Variants in BTD observed in about 807,000 individuals in gnomAD.
BTD encodes the protein biotinidase.
In BTD, 13 loss-of-function variants were observed where a neutral mutation model predicts 17.7. The ratio of observed to expected loss-of-function variants is 0.74; its 90% CI spans 0.48 to 1.17. BTD has a LOEUF of 1.17. Among genes scored for constraint, BTD ranks in the 50% most tolerant of loss-of-function variants. The pLI, the probability that BTD is intolerant of heterozygous loss-of-function variation, is 0.00. For missense variants in BTD, 674 were observed against 650.4 expected, an observed-to-expected ratio of 1.04 and a Z score of -0.39; for synonymous variants, 240 against 245.2, an observed-to-expected ratio of 0.98 and a Z score of 0.20.
chr3:15,604,910 A>G (rs769495576), intron 1 of BTD, among the ~76,000 whole-genome samples: 15 of 152,204 alleles, frequency 9.9e-5, no homozygotes, highest in Non-Finnish European at 4.4e-5. Context: ...GCCATTCAAT[A>G]AGTCTCTAGG....
Position 15,696,096 on chromosome 3 carries a change from C to A in BTD, c.400-13964C>A, listed in dbSNP as rs746123779. On this transcript the variant is annotated intron_variant, in intron 3 of 3. Coordinates refer to the BTD transcript ENST00000672141. The stretch of plus-strand genomic sequence containing the variant: ...TTTTGTTACATTATTAGACTATAAA[C>A]TCCCATTAGGTCTTTCACAAGAATT... The A allele has an allele frequency of 3.0e-6, 4 of 1,321,660 alleles. No individual in the cohort carries two copies. In the South Asian group the frequency reaches 5.1e-5, roughly 17 times the overall value. 81.9% of individuals were successfully genotyped at this position (1,321,660 alleles called of 1,614,324 possible). A position where few individuals can be genotyped will look rare whatever the true frequency, so the allele number is the denominator to read the frequency against.
At chr3:15,696,332 ATT>A (rs2069548275) in intron 3 of BTD, 1 of 805,812 alleles carries the variant, frequency 1.2e-6, no homozygotes, top group Non-Finnish European at 1.9e-6. Context: ...AAAACTGACA[ATT>A]TTTCTTATAC....
chr3:15,626,638 A>G (rs1026700987), intron 1 of BTD, among the ~76,000 whole-genome samples: 10 of 152,056 alleles, frequency 6.6e-5, no homozygotes, highest in African/African-American at 2.2e-4. Flanking sequence ...TTAGTCACAC[A>G]TGGTAGCATG....
chr3:15,643,677 T>A (rs978414451), intron 3 of BTD, among the ~76,000 whole-genome samples: 7 of 152,072 alleles, frequency 4.6e-5, no homozygotes, highest in Admixed American at 3.9e-4. Flanking sequence ...GTTTATATCC[T>A]TTGCACATTT....
intron 1 of BTD, among the ~76,000 whole-genome samples, chr3:15,626,111 A>G (rs1235410925): frequency 1.3e-5 from 2 of 152,034 alleles, no homozygotes; most frequent in African/African-American, 4.8e-5. Flanking sequence ...TTGATATTCA[A>G]CTTCTGATTT....
Position 15,648,878 on chromosome 3 carries a change from G to T in BTD, c.*3390G>T, listed in dbSNP as rs1249735053. On this transcript the variant is annotated 3_prime_UTR_variant, in exon 4 of 4. Transcript: ENST00000643237. Reference sequence around the variant, plus strand: ...AGATGACCATGTGACAACAGGGGCAGAGATCACAGGGATGCCTCTACTAGA... The same window carrying T: ...AGATGACCATGTGACAACAGGGGCATAGATCACAGGGATGCCTCTACTAGA... 3.3e-5 allele frequency among the ~76,000 whole-genome samples: 5 copies of T among 152,184 alleles called. No individual in the cohort carries two copies. Among genetic ancestry groups the T allele is most frequent in the East Asian group, 1.9e-4 (1 of 5,188 alleles).
intron 3 of BTD, among the ~76,000 whole-genome samples, chr3:15,687,558 A>T (rs1395424845): frequency 6.6e-6 from 1 of 152,208 alleles, no homozygotes; most frequent in African/African-American, 2.4e-5. Context: ...TATGATACAG[A>T]AAAGAACGTC....
exon 4 of BTD, chr3:15,712,361 A>G (rs6771419): frequency 0.14 from 100,660 of 717,444 alleles, 12,269 homozygotes; most frequent in East Asian, 0.54. Context: ...TAATTTGGTT[A>G]AAGTTTGATG....
At chr3:15,633,914 A>G (rs1429067997) in intron 1 of BTD, among the ~76,000 whole-genome samples, 1 of 152,204 alleles carries the variant, frequency 6.6e-6, no homozygotes, top group African/African-American at 2.4e-5. Context: ...TTTCTACTCA[A>G]AAACTCATGA....
At position 15,642,026 on chromosome 3, in the gene BTD, G is replaced by A. The variant is rs1336386457; in HGVS notation, c.368G>A (p.Cys123Tyr). ...CCCCAGGTGGTCAGGTGGAACCCAT[G>A]CCTGGAGCCTCACCGCTTCAATGAC... Reference protein sequence around the residue: ...PSPQVVRWNPCLEPHRFNDTE... With the variant: ...PSPQVVRWNPYLEPHRFNDTE... The change falls in exon 3 of 4, where the codon TGC becomes TAC. Residue 123 changes from cysteine to tyrosine, a missense_variant. Coordinates refer to ENST00000643237, the MANE Select transcript of BTD (RefSeq NM_001370658.1). The A allele has an allele frequency of 1.2e-6, 2 of 1,614,160 alleles. No individual in the cohort carries two copies. Among genetic ancestry groups the A allele is most frequent in the South Asian group, 1.1e-5 (1 of 91,078 alleles).
Position 15,636,314 on chromosome 3 carries a change from C to A in BTD, c.249+626C>A, listed in dbSNP as rs539353343. ...ATGTCGGACTACGATCAGTCTGAGA[C>A]CTTCGCCCAGATAGAACTGACCCCA... On this transcript the variant is annotated intron_variant, in intron 2 of 3. Coordinates refer to ENST00000643237, the MANE Select transcript of BTD (RefSeq NM_001370658.1). 5.3e-5 allele frequency among the ~76,000 whole-genome samples: 8 copies of A among 152,274 alleles called. No individual in the cohort carries two copies. In the East Asian group the frequency reaches 1.5e-3, roughly 29 times the overall value.
chr3:15,676,113 C>T (rs2066909238), intron 3 of BTD: 1 of 636,800 alleles, frequency 1.6e-6, no homozygotes, highest in Non-Finnish European at 2.6e-6. Context: ...ACTCGAGAAA[C>T]CTAGTCCTAA....
intron 1 of BTD, among the ~76,000 whole-genome samples, chr3:15,620,595 C>T (rs577941621): frequency 1.3e-5 from 2 of 152,300 alleles, no homozygotes; most frequent in Admixed American, 6.5e-5. Context: ...GTACAGTTAG[C>T]ACAATTATCA....
chr3:15,706,047 C>CA (rs61336367), intron 3 of BTD, among the ~76,000 whole-genome samples: 88,660 of 151,120 alleles, frequency 0.59, 26,285 homozygotes, highest in Middle Eastern at 0.65. Context: ...CAAAAACAAA[C>CA]AAAAAACCCC....
intron 1 of BTD, among the ~76,000 whole-genome samples, chr3:15,604,414 G>C (rs1322744792): frequency 6.6e-6 from 1 of 152,228 alleles, no homozygotes; most frequent in African/African-American, 2.4e-5. Context: ...TCCCTAGGCT[G>C]CAAACAGCAG....
In BTD at chr3:15,699,789, A is replaced by C. The variant is rs191486195; in HGVS notation, c.400-10271A>C. Among the ~76,000 whole-genome samples the C allele has an allele frequency of 1.9e-3, 294 of 152,344 alleles. 1 individual carries two copies. The highest frequency in any genetic ancestry group is 6.9e-3 in the African/African-American group (287 of 41,586). ...GGCATGCTTTTACACTGTCAGTGGGAGTGTAAATTAGTTCAACCATTGTGG... is the reference window on the plus strand; with the variant it reads ...GGCATGCTTTTACACTGTCAGTGGGCGTGTAAATTAGTTCAACCATTGTGG... On this transcript the variant is annotated intron_variant, in intron 3 of 3. Coordinates refer to the BTD transcript ENST00000672141.
chr3:15,612,666 T>C (rs1041570087), intron 1 of BTD, among the ~76,000 whole-genome samples: 2 of 151,358 alleles, frequency 1.3e-5, no homozygotes, highest in African/African-American at 4.9e-5. Context: ...TTCTGGTGAG[T>C]TTTCTTCAAT....
At chr3:15,666,564 C>T (rs2065996509) in intron 3 of BTD, among the ~76,000 whole-genome samples, 1 of 152,232 alleles carries the variant, frequency 6.6e-6, no homozygotes, top group Admixed American at 6.5e-5. Context: ...GCATAAAGAC[C>T]ACTTTGAGAA....
intron 3 of BTD, among the ~76,000 whole-genome samples, chr3:15,673,458 A>C (rs1007931553): frequency 6.6e-6 from 1 of 152,240 alleles, no homozygotes; most frequent in Non-Finnish European, 1.5e-5. Flanking sequence ...CAACTGACAA[A>C]GATTTCACTG....
Sources: allele counts gnomAD v4.1 joint callset (sites outside exome capture counted in the v4.1 genomes callset), GRCh38; gene constraint gnomAD v4.1.1; transcripts MANE v1.5; gene names NCBI Gene and HGNC (gene_info 2026-07-23, HGNC 2026-07-21).